Variants in GALNT13 observed in about 807,000 individuals in gnomAD.
GALNT13 encodes UDP-GalNAc:polypeptide N-acetylgalactosaminyltransferase 13.
In GALNT13, 28 loss-of-function variants were observed where a neutral mutation model predicts 64.2. The ratio of observed to expected loss-of-function variants is 0.44; its 90% CI spans 0.32 to 0.60. The LOEUF is 0.60. GALNT13 is among the 20% of genes least tolerant of loss of function. The probability of loss-of-function intolerance (pLI) is 0.05; values close to 1 mark genes in which losing one functional copy is unlikely to be tolerated. For missense variants in GALNT13, 577 were observed against 669.8 expected (o/e 0.86, Z 1.53); for synonymous variants, 214 against 224.6 (o/e 0.95, Z 0.42).
chr2:153,690,171 C>T, the GALNT13 span, among the ~76,000 whole-genome samples: 4 of 152,060 alleles, frequency 2.6e-5, no homozygotes, highest in African/African-American at 9.7e-5. Context: ...CTTTGAAATA[C>T]ATCAAATTTT....
the GALNT13 span, among the ~76,000 whole-genome samples, chr2:153,369,247 A>G: frequency 6.6e-6 from 1 of 152,110 alleles, no homozygotes; most frequent in Admixed American, 6.6e-5. Context: ...AGCTTCCATC[A>G]GAACAAACTA....
intron 3 of GALNT13, among the ~76,000 whole-genome samples, chr2:154,021,166 A>T (rs536830886): frequency 1.6e-3 from 245 of 152,206 alleles, no homozygotes; most frequent in African/African-American, 5.6e-3. Flanking sequence ...TTGGCTTAGG[A>T]TTGACTTGGC....
At chr2:153,888,535 G>T (rs1254896532) in intron 1 of GALNT13, among the ~76,000 whole-genome samples, 1 of 151,958 alleles carries the variant, frequency 6.6e-6, no homozygotes, top group East Asian at 1.9e-4. Context: ...CTAAAATAAT[G>T]TTGGGTCCTC....
the GALNT13 span, among the ~76,000 whole-genome samples, chr2:153,254,145 A>C: frequency 6.6e-6 from 1 of 152,028 alleles, no homozygotes; most frequent in Non-Finnish European, 1.5e-5. Flanking sequence ...ACAATTTCAG[A>C]TCCTGTTATT....
chr2:153,199,342 T>C, the GALNT13 span, among the ~76,000 whole-genome samples: 1 of 152,212 alleles, frequency 6.6e-6, no homozygotes, highest in African/African-American at 2.4e-5. Flanking sequence ...GGAGCCATTT[T>C]TGTGGGCTAT....
intron 3 of GALNT13, among the ~76,000 whole-genome samples, chr2:154,013,431 G>A (rs537227857): frequency 1.2e-4 from 19 of 152,186 alleles, no homozygotes; most frequent in Non-Finnish European, 2.5e-4. Flanking sequence ...TGGCTGAAGC[G>A]CTTCGTAGGG....
At chr2:153,688,991 G>GGTGTGTGTGTGTGTGTGTGTGT in the GALNT13 span, among the ~76,000 whole-genome samples, 1 of 130,156 alleles carries the variant, frequency 7.7e-6, no homozygotes, top group African/African-American at 3.0e-5. Context: ...TAGAGGTAGG[G>GGTGTGTGTGTGTGTGTGTGTGT]GTGTGTGTGT....
chr2:153,162,220 A>G, the GALNT13 span, among the ~76,000 whole-genome samples: 1 of 152,144 alleles, frequency 6.6e-6, no homozygotes. Context: ...TCAAAGAGCC[A>G]TTTCTTGGTA....
chr2:153,364,231 C>T, the GALNT13 span, among the ~76,000 whole-genome samples: 2 of 152,012 alleles, frequency 1.3e-5, no homozygotes, highest in Non-Finnish European at 2.9e-5. Flanking sequence ...TTTGATGGAA[C>T]ATATCTCAAA....
the GALNT13 span, among the ~76,000 whole-genome samples, chr2:153,135,904 C>A: frequency 6.6e-6 from 1 of 151,784 alleles, no homozygotes; most frequent in Admixed American, 6.6e-5. Flanking sequence ...AATAAAATAA[C>A]CCTCACAAAA....
the GALNT13 span, among the ~76,000 whole-genome samples, chr2:153,727,958 T>C: frequency 4.6e-5 from 7 of 152,324 alleles, no homozygotes; most frequent in East Asian, 1.4e-3. Flanking sequence ...TGTGTTTGCA[T>C]TGTTCAGCTC....
chr2:153,520,600 A>G, the GALNT13 span, among the ~76,000 whole-genome samples: 868 of 152,282 alleles, frequency 5.7e-3, 10 homozygotes, highest in African/African-American at 0.019. Context: ...GAAGAGTTTT[A>G]TCTTAATGCT....
chr2:153,647,486 A>C, the GALNT13 span, among the ~76,000 whole-genome samples: 2 of 152,036 alleles, frequency 1.3e-5, no homozygotes, highest in African/African-American at 4.8e-5. Context: ...CCCATTTGTC[A>C]ATTTTGGCTT....
chr2:153,135,456 T>A, the GALNT13 span, among the ~76,000 whole-genome samples: 4 of 152,262 alleles, frequency 2.6e-5, no homozygotes, highest in East Asian at 7.7e-4. Context: ...AGTGTTTTGT[T>A]GAGCTGAGTT....
chr2:153,506,404 T>C, the GALNT13 span, among the ~76,000 whole-genome samples: 1 of 152,130 alleles, frequency 6.6e-6, no homozygotes, highest in Non-Finnish European at 1.5e-5. Context: ...CCTGAATACC[T>C]TTTTTTCATT....
At chr2:153,803,616 C>T in the GALNT13 span, among the ~76,000 whole-genome samples, 1 of 146,950 alleles carries the variant, frequency 6.8e-6, no homozygotes, top group Non-Finnish European at 1.5e-5. Flanking sequence ...GGCGTGAACC[C>T]TGGAGGCGGA....
the GALNT13 span, among the ~76,000 whole-genome samples, chr2:153,376,815 A>G: frequency 6.6e-6 from 1 of 152,168 alleles, no homozygotes; most frequent in African/African-American, 2.4e-5. Context: ...ATATTGATTA[A>G]ATATTCTCTC....
At chr2:154,023,117 T>A (rs78834065) in intron 3 of GALNT13, among the ~76,000 whole-genome samples, 1 of 152,162 alleles carries the variant, frequency 6.6e-6, no homozygotes, top group Non-Finnish European at 1.5e-5. Flanking sequence ...TCCAACTATG[T>A]GGCCAGTTTT....
At chr2:154,043,453 T>TACACAC (rs1451883209) in intron 3 of GALNT13, among the ~76,000 whole-genome samples, 9 of 93,774 alleles carry the variant, frequency 9.6e-5, no homozygotes, top group African/African-American at 3.5e-4. Context: ...TATATATATA[T>TACACAC]ATACACACAT....
Sources: gnomAD v4.1 joint callset for allele counts (sites outside exome capture counted in the v4.1 genomes callset) on GRCh38, gnomAD v4.1.1 for gene constraint, MANE v1.5 for transcripts, NCBI Gene and HGNC (gene_info 2026-07-23, HGNC 2026-07-21) for gene names.